The following KCNQ5 variants were observed in gnomAD, a reference collection of about 807,000 sequenced individuals.
KCNQ5 encodes potassium voltage-gated channel subfamily KQT member 5.
Under a neutral mutation model 98.2 loss-of-function variants are expected in KCNQ5, and 30 were observed. That is an observed-to-expected ratio of 0.31 (90% CI 0.23 to 0.41). The LOEUF (loss-of-function observed/expected upper bound fraction) is 0.41, where lower values mean the gene tolerates loss of function less well. Among genes scored for constraint, KCNQ5 ranks in the 10% least tolerant of loss-of-function variants. The pLI, the probability that KCNQ5 is intolerant of heterozygous loss-of-function variation, is 1.00. For missense variants in KCNQ5, 835 were observed against 1,182.5 expected (o/e 0.71, Z 4.31); for synonymous variants, 458 against 449.4 (o/e 1.02, Z -0.24).
intron 1 of KCNQ5, among the ~76,000 whole-genome samples, chr6:72,911,457 C>T (rs1389877936): frequency 6.6e-6 from 1 of 152,110 alleles, no homozygotes; most frequent in Non-Finnish European, 1.5e-5. Context: ...GATTTTCATC[C>T]TCTAGAACTG....
intron 1 of KCNQ5, among the ~76,000 whole-genome samples, chr6:72,802,755 G>A (rs1774728530): frequency 6.6e-6 from 1 of 152,068 alleles, no homozygotes; most frequent in Non-Finnish European, 1.5e-5. Context: ...GTTGAAAATA[G>A]AGCAGAGGCC....
intron 1 of KCNQ5, among the ~76,000 whole-genome samples, chr6:72,956,758 G>T (rs1010870009): frequency 6.6e-6 from 1 of 151,720 alleles, no homozygotes; most frequent in Non-Finnish European, 1.5e-5. Context: ...GTATTCAACA[G>T]ATTAAAACTG....
intron 2 of KCNQ5, among the ~76,000 whole-genome samples, chr6:73,013,199 G>A (rs781737489): frequency 4.0e-4 from 61 of 152,160 alleles, no homozygotes; most frequent in African/African-American, 1.1e-3. Context: ...GTACACATTC[G>A]GCATGCAGCA....
In KCNQ5 at chr6:73,119,143, G is replaced by T. The variant is rs140836084; in HGVS notation, c.1126-1340G>T. ...AAATACCTGGCCATTAGAGATGTTT[G>T]CAGACTCATTAAAAAGAAAGAAATT... On this transcript the variant is annotated intron_variant, in intron 7 of 13. Coordinates refer to ENST00000370398, the MANE Select transcript of KCNQ5 (RefSeq NM_019842.4). Among the ~76,000 whole-genome samples, 699 of 152,300 alleles carry T rather than the reference G, an allele frequency of 4.6e-3. 6 individuals are homozygous for T. Among genetic ancestry groups the T allele is most frequent in the African/African-American group, 0.016 (660 of 41,560 alleles).
At chr6:73,123,505 C>A (rs1221698595) in intron 8 of KCNQ5, among the ~76,000 whole-genome samples, 2 of 152,144 alleles carry the variant, frequency 1.3e-5, no homozygotes, top group Non-Finnish European at 2.9e-5. Flanking sequence ...GACACTCAAA[C>A]CTGCCAGGGA....
chr6:72,789,196 C>T (rs895958884), intron 1 of KCNQ5, among the ~76,000 whole-genome samples: 3 of 151,998 alleles, frequency 2.0e-5, no homozygotes, highest in Non-Finnish European at 2.9e-5. Flanking sequence ...CTTGCTCTGT[C>T]GCCTAGGATG....
chr6:73,060,562 C>T (rs1437676034), intron 3 of KCNQ5, among the ~76,000 whole-genome samples: 1 of 152,012 alleles, frequency 6.6e-6, no homozygotes. Context: ...TGATAGAATA[C>T]ATAAAATCAA....
intron 8 of KCNQ5, among the ~76,000 whole-genome samples, chr6:73,120,962 A>G (rs1775723133): frequency 6.6e-6 from 1 of 152,192 alleles, no homozygotes; most frequent in Non-Finnish European, 1.5e-5. Flanking sequence ...GTGCTTAGAG[A>G]GTAATCCATC....
rs1353538071 is a variant in KCNQ5, at chr6:72,966,643, G to T, written c.399-37265G>T. Among the ~76,000 whole-genome samples, 4 of 152,162 alleles carry T rather than the reference G, an allele frequency of 2.6e-5. No homozygotes were observed. The East Asian group carries it at 7.7e-4, about 29-fold the overall frequency. On this transcript the variant is annotated intron_variant, in intron 1 of 13. Coordinates refer to ENST00000370398, the MANE Select transcript of KCNQ5 (RefSeq NM_019842.4). ...TGAAAGGTATCCTCTTAAATTTGTG[G>T]TGACCCTCAAATATTTATGCTAAAA...
At chr6:73,143,572 T>G (rs1394782681) in intron 10 of KCNQ5, 3 of 152,238 alleles carry the variant, frequency 2.0e-5, no homozygotes, top group Non-Finnish European at 4.4e-5. Context: ...CACCCACCAT[T>G]GTGAGGTTTA....
At chr6:72,920,291 C>CA (rs1017988449) in intron 1 of KCNQ5, among the ~76,000 whole-genome samples, 1 of 151,728 alleles carries the variant, frequency 6.6e-6, no homozygotes, top group East Asian at 1.9e-4. Flanking sequence ...GACACTATAT[C>CA]AAAAAAAGGG....
chr6:72,627,135 C>T (rs1404584686), intron 1 of KCNQ5, among the ~76,000 whole-genome samples: 1 of 152,196 alleles, frequency 6.6e-6, no homozygotes, highest in Non-Finnish European at 1.5e-5. Context: ...ACATAGATAA[C>T]ACTCAATAAA....
At chr6:72,885,326 T>C (rs924325131) in intron 1 of KCNQ5, among the ~76,000 whole-genome samples, 3 of 152,252 alleles carry the variant, frequency 2.0e-5, no homozygotes, top group African/African-American at 7.2e-5. Flanking sequence ...GCCCTCAGGA[T>C]GAACACAATC....
intron 7 of KCNQ5, among the ~76,000 whole-genome samples, chr6:73,118,886 T>C (rs1232069859): frequency 6.6e-6 from 1 of 152,118 alleles, no homozygotes; most frequent in Non-Finnish European, 1.5e-5. Flanking sequence ...CTGGATGTGG[T>C]GGTGCGTGCC....
In KCNQ5 at chr6:73,124,496, G is replaced by C; in HGVS notation, c.1231G>C (p.Gly411Arg). Residue 411 changes from glycine (G) to arginine (R), a missense_variant, in exon 9 of 14, where the codon GGG (glycine) becomes CGG (arginine). Physicochemically the swap from Gly to Arg is moderately radical, Grantham distance 125. This residue lies in a region of KCNQ5 where 146 missense variants were observed against 256.7 expected (regional missense o/e 0.57). Transcript: ENST00000370398. The part of the protein sequence containing the change: ...HTCSPTKKEQ[G>R]EASSSQKLSF... ...TGCACGCACCTGAAGGAAAGAACAA[G>C]GGGAAGCATCAAGCAGGTTTGTGAT... 1.2e-6 allele frequency: 2 copies of C among 1,613,502 alleles called. No homozygotes were observed. The highest frequency in any genetic ancestry group is 1.7e-6 in the Non-Finnish European group (2 of 1,179,574).
intron 1 of KCNQ5, among the ~76,000 whole-genome samples, chr6:72,628,389 A>G (rs1479673385): frequency 6.6e-6 from 1 of 152,206 alleles, no homozygotes; most frequent in African/African-American, 2.4e-5. Context: ...TGATATGGGC[A>G]CAATCGTGTC....
rs1441020187 is a variant in KCNQ5 at position 72,986,759 on chromosome 6, C to A, written c.399-17149C>A. The A allele has an allele frequency of 4.1e-6, 6 of 1,480,870 alleles. No individual in the cohort carries two copies. The East Asian group carries it at 1.4e-4, about 34-fold the overall frequency. The allele number at this position is 1,480,870 out of a possible 1,614,324, so 91.7% of individuals were successfully genotyped here. On this transcript the variant is annotated intron_variant, in intron 1 of 13. Coordinates refer to ENST00000370398, the MANE Select transcript of KCNQ5 (RefSeq NM_019842.4). ...CTCTGGGGTGAAAACCTCCCCAGAC[C>A]CCAGACAGGGTGAAGAGGAAACCAG...
At chr6:72,765,566 G>C (rs1190224614) in intron 1 of KCNQ5, among the ~76,000 whole-genome samples, 2 of 151,918 alleles carry the variant, frequency 1.3e-5, no homozygotes, top group East Asian at 3.9e-4. Context: ...TATCAAAAAA[G>C]GTCCTAAGAC....
At chr6:72,968,666 G>A (rs1767733395) in intron 1 of KCNQ5, among the ~76,000 whole-genome samples, 1 of 152,112 alleles carries the variant, frequency 6.6e-6, no homozygotes, top group Admixed American at 6.6e-5. Flanking sequence ...ATAATCCAGA[G>A]ATATTCTCCT....
Sources: gnomAD v4.1 joint callset for allele counts (sites outside exome capture counted in the v4.1 genomes callset) on GRCh38, gnomAD v4.1.1 for gene constraint, gnomAD v4.1.1 regional missense constraint, MANE v1.5 for transcripts, NCBI Gene and HGNC (gene_info 2026-07-23, HGNC 2026-07-21) for gene names.